PDE7B: variants seen among roughly 807,000 people sequenced by gnomAD.
PDE7B encodes 3',5'-cyclic-AMP phosphodiesterase 7B.
PDE7B carries 29 observed loss-of-function variants against 56.2 expected under a neutral mutation model. That is an observed-to-expected ratio of 0.52 (90% CI 0.38 to 0.70). The LOEUF is 0.70. PDE7B is among the 30% of genes least tolerant of loss of function. PDE7B has a pLI of 0.00. For synonymous variants in PDE7B, 197 were observed against 196.9 expected, an observed-to-expected ratio of 1.00 and a Z score of 0.00; for missense variants, 490 against 565.0, an observed-to-expected ratio of 0.87 and a Z score of 1.35.
At chr6:136,127,364 AT>A (rs768974444) in intron 3 of PDE7B, among the ~76,000 whole-genome samples, 3 of 152,118 alleles carry the variant, frequency 2.0e-5, no homozygotes, top group Non-Finnish European at 4.4e-5. Context: ...GCACTCAAGG[AT>A]TTATTTTTAT....
intron 3 of PDE7B, among the ~76,000 whole-genome samples, chr6:136,113,849 C>T (rs1026529043): frequency 6.6e-6 from 1 of 152,192 alleles, no homozygotes; most frequent in Non-Finnish European, 1.5e-5. Flanking sequence ...AGCTCTGTCT[C>T]CTGATTTAAT....
intron 2 of PDE7B, among the ~76,000 whole-genome samples, chr6:136,062,357 G>A (rs1205267051): frequency 6.6e-6 from 1 of 152,116 alleles, no homozygotes; most frequent in Non-Finnish European, 1.5e-5. Context: ...ACCTTTTTGT[G>A]TTTGTGTGGT....
chr6:135,937,222 A>T (rs1774436170), intron 1 of PDE7B, among the ~76,000 whole-genome samples: 1 of 152,200 alleles, frequency 6.6e-6, no homozygotes, highest in Non-Finnish European at 1.5e-5. Context: ...GAAACTTCCT[A>T]AACCCTTTTG....
chr6:136,057,930 T>G (rs1225481499), intron 2 of PDE7B, among the ~76,000 whole-genome samples: 1 of 151,866 alleles, frequency 6.6e-6, no homozygotes, highest in Non-Finnish European at 1.5e-5. Flanking sequence ...AGAGACGGGG[T>G]TTCACCATGT....
intron 2 of PDE7B, among the ~76,000 whole-genome samples, chr6:136,096,479 G>GCT (rs1777472639): frequency 7.8e-6 from 1 of 127,892 alleles, no homozygotes; most frequent in African/African-American, 3.2e-5. Context: ...CCCAATGAAT[G>GCT]CTTTTTTTTT....
At chr6:136,013,090 A>T (rs993097319) in intron 2 of PDE7B, among the ~76,000 whole-genome samples, 1 of 152,174 alleles carries the variant, frequency 6.6e-6, no homozygotes, top group Non-Finnish European at 1.5e-5. Flanking sequence ...TAGAACTAAC[A>T]CAAGTGTTTG....
chr6:135,987,842 T>TAC (rs1166188036), intron 2 of PDE7B, among the ~76,000 whole-genome samples: 143 of 140,774 alleles, frequency 1.0e-3, no homozygotes, highest in African/African-American at 4.0e-3. Flanking sequence ...CACACACACA[T>TAC]ACACACACAC....
chr6:136,148,637 G>C (rs1047436058), intron 4 of PDE7B, among the ~76,000 whole-genome samples: 2 of 152,142 alleles, frequency 1.3e-5, no homozygotes, highest in African/African-American at 4.8e-5. Flanking sequence ...ATGTTTGCTT[G>C]TTTGTTGAGA....
intron 3 of PDE7B, among the ~76,000 whole-genome samples, chr6:136,117,711 G>A (rs1777863515): frequency 1.3e-5 from 2 of 152,182 alleles, no homozygotes; most frequent in Non-Finnish European, 2.9e-5. Context: ...GGCACAGGAT[G>A]TACAAGGCCA....
At chr6:135,928,284 A>T (rs754501091) in intron 1 of PDE7B, among the ~76,000 whole-genome samples, 13 of 150,474 alleles carry the variant, frequency 8.6e-5, no homozygotes, top group Non-Finnish European at 1.3e-4. Context: ...CAATCTCACT[A>T]CTGGGTATCT....
chr6:136,029,618 G>C (rs1388821477), intron 2 of PDE7B, among the ~76,000 whole-genome samples: 1 of 152,164 alleles, frequency 6.6e-6, no homozygotes, highest in African/African-American at 2.4e-5. Context: ...AGCAGGATCA[G>C]TTAGTATGCA....
At position 136,168,530 on chromosome 6, in the gene PDE7B, A is replaced by T. The variant is rs550003429; in HGVS notation, c.712-5267A>T. On this transcript the variant is annotated intron_variant, in intron 8 of 12. Transcript: ENST00000308191. ...TTTTTGTTTCAACCAGTGATTAGGG[A>T]GAATGTAAAAAATTTTGTCAAATAA... Among the ~76,000 whole-genome samples, 17 of 152,260 alleles carry T rather than the reference A, an allele frequency of 1.1e-4. No homozygotes were observed. In the South Asian group the frequency reaches 2.1e-3, roughly 19 times the overall value.
chr6:136,041,662 G>A (rs1469218113), intron 2 of PDE7B, among the ~76,000 whole-genome samples: 1 of 152,226 alleles, frequency 6.6e-6, no homozygotes. Context: ...CCTAGCAAGG[G>A]GCTCTGGAAG....
At chr6:136,158,896 G>GCAT (rs1164831583) in intron 8 of PDE7B, among the ~76,000 whole-genome samples, 8 of 152,326 alleles carry the variant, frequency 5.3e-5, no homozygotes, top group Non-Finnish European at 1.2e-4. Flanking sequence ...ACTGTGCAAA[G>GCAT]TAAGCATTAA....
At chr6:136,016,550 C>A (rs375910639) in intron 2 of PDE7B, among the ~76,000 whole-genome samples, 2 of 152,150 alleles carry the variant, frequency 1.3e-5, no homozygotes, top group East Asian at 1.9e-4. Flanking sequence ...TCTCATTTTC[C>A]AGTTGTCAAA....
At chr6:135,911,480 G>A (rs1776211454) in intron 1 of PDE7B, among the ~76,000 whole-genome samples, 1 of 152,140 alleles carries the variant, frequency 6.6e-6, no homozygotes, top group Non-Finnish European at 1.5e-5. Context: ...TTAAACCAAC[G>A]TGATATAAAC....
At chr6:135,944,329 A>T (rs1307270162) in intron 1 of PDE7B, among the ~76,000 whole-genome samples, 1 of 152,128 alleles carries the variant, frequency 6.6e-6, no homozygotes, top group African/African-American at 2.4e-5. Flanking sequence ...CCTGGGTTGC[A>T]CAGCAAGCAG....
chr6:136,110,463 T>C (rs1486435395), intron 3 of PDE7B, among the ~76,000 whole-genome samples: 3 of 152,188 alleles, frequency 2.0e-5, no homozygotes. Flanking sequence ...GCATCCCATT[T>C]TGAAAGTCGG....
intron 1 of PDE7B, among the ~76,000 whole-genome samples, chr6:135,920,782 A>C (rs1298042474): frequency 6.6e-6 from 1 of 152,198 alleles, no homozygotes; most frequent in Non-Finnish European, 1.5e-5. Flanking sequence ...GTAGAGGAAA[A>C]GTCTTTGAAG....
Sources: gnomAD v4.1 joint callset for allele counts (sites outside exome capture counted in the v4.1 genomes callset) on GRCh38, gnomAD v4.1.1 for gene constraint, MANE v1.5 for transcripts, NCBI Gene and HGNC (gene_info 2026-07-23, HGNC 2026-07-21) for gene names.